The following WDR33 variants were observed in gnomAD, a reference collection of about 807,000 sequenced individuals.
The protein encoded by WDR33 is WD repeat domain 33, also known as pre-mRNA 3' end processing protein WDR33.
Under a neutral mutation model 164.9 loss-of-function variants are expected in WDR33, and 47 were observed. That is an observed-to-expected ratio of 0.29 (90% CI 0.23 to 0.36). The LOEUF is 0.36. Among genes scored for constraint, WDR33 ranks in the 10% least tolerant of loss-of-function variants. WDR33 has a pLI of 1.00. For missense variants in WDR33, 1,137 were observed against 1,754.1 expected (o/e 0.65, Z 6.28); for synonymous variants, 505 against 589.0 (o/e 0.86, Z 2.06).
Position 127,701,695 on chromosome 2 carries a change from G to T in WDR33, c.*4628C>A. The T allele has an allele frequency of 7.6e-7, 1 of 1,318,738 alleles. No homozygotes were observed. Among genetic ancestry groups the T allele is most frequent in the South Asian group, 2.0e-5 (1 of 49,438 alleles). 81.7% of individuals were successfully genotyped at this position (1,318,738 alleles called of 1,614,324 possible). A position where few individuals can be genotyped will look rare whatever the true frequency, so the allele number is the denominator to read the frequency against. On this transcript the variant is annotated 3_prime_UTR_variant, in exon 22 of 22. Coordinates refer to ENST00000322313, the MANE Select transcript of WDR33 (RefSeq NM_018383.5). ...GGCTTGCGCTGGACGTGGGCGCGGA[G>T]CCCTGCGGAGTCGGCAGCGGCCGGC... is the stretch of plus-strand genomic sequence containing the variant.
chr2:127,790,004 T>C (rs563276066), intron 1 of WDR33, among the ~76,000 whole-genome samples: 28 of 152,082 alleles, frequency 1.8e-4, no homozygotes, highest in African/African-American at 6.5e-4. Context: ...CCTGGCTAAT[T>C]TTTTTTATTT....
chr2:127,717,246 G>A lies in WDR33; in HGVS notation c.2778C>T (p.Gly926=), dbSNP rs764157203. 5 of 1,599,030 alleles carry A rather than the reference G, an allele frequency of 3.1e-6. No individual in the cohort carries two copies. In the Admixed American group the frequency reaches 8.8e-5, roughly 28 times the overall value. The change falls in exon 17 of 22, where the codon GGC becomes GGT. Residue 926 remains glycine (G), a synonymous_variant. Transcript: ENST00000322313. This position sits in a 1 kb window ranked among gnomAD's most constrained non-coding sequence, Gnocchi z 5.6. ...CTAGGCCTGGTATCAGGGGTGGGGG[G>A]CCTGTGCTCTGTCCTTCCTGAAAAT... ...APFNQEGQST[G]PPPLIPGLGQ...
At chr2:127,769,214 G>A (rs1209683601) in intron 2 of WDR33, among the ~76,000 whole-genome samples, 1 of 151,806 alleles carries the variant, frequency 6.6e-6, no homozygotes, top group African/African-American at 2.4e-5. Context: ...TTCCCTCCTC[G>A]AGGTGCCTCA....
intron 7 of WDR33, among the ~76,000 whole-genome samples, chr2:127,750,685 T>A (rs1291936381): frequency 2.7e-3 from 109 of 40,950 alleles, no homozygotes; most frequent in African/African-American, 0.01. Flanking sequence ...AAAATATATA[T>A]ATATATATAT....
intron 1 of WDR33, among the ~76,000 whole-genome samples, chr2:127,788,462 C>T (rs1573463490): frequency 1.6e-5 from 2 of 128,476 alleles, no homozygotes; most frequent in African/African-American, 3.2e-5. Context: ...GGCGGCTGGC[C>T]GGGCGGGGGG....
In WDR33 at chr2:127,701,842, C is replaced by G. The variant is rs1451349395; in HGVS notation, c.*4481G>C. On this transcript the variant is annotated 3_prime_UTR_variant, in exon 22 of 22. Transcript: ENST00000322313. ...TACGCACCGGTGTTGCTGCTGCGCG[C>G]GCGCAAGTTCGCGCTGCTCTGGTCA... The G allele has an allele frequency of 1.4e-5, 20 of 1,458,578 alleles. No homozygotes were observed. Among genetic ancestry groups the G allele is most frequent in the Non-Finnish European group, 1.8e-5 (20 of 1,109,854 alleles). 90.4% of individuals were successfully genotyped at this position (1,458,578 alleles called of 1,614,324 possible).
In WDR33 at chr2:127,719,767, G is replaced by A. The variant is rs200450776; in HGVS notation, c.2258C>T (p.Pro753Leu). The A allele has an allele frequency of 8.9e-5, 143 of 1,613,908 alleles. No homozygotes were observed. The East Asian group carries it at 3.0e-3, about 34-fold the overall frequency. Residue 753 changes from proline (P) to leucine (L), a missense_variant, in exon 16 of 22, where the codon CCT (proline) becomes CTT (leucine). Coordinates refer to ENST00000322313, the MANE Select transcript of WDR33 (RefSeq NM_018383.5). The surrounding 1 kb of genome is among the most constrained non-coding windows in gnomAD (Gnocchi z 6.5). ...TCCGCCTTGGATCCCATGAGGATGA[G>A]GAGGCCCTTGCATTCCTCTGGGACC... is the stretch of plus-strand genomic sequence containing the variant. ...PPGPRGMQGP[P>L]HPHGIQGGPG...
intron 7 of WDR33, chr2:127,762,471 A>C: frequency 5.2e-6 from 5 of 968,184 alleles, no homozygotes; most frequent in Non-Finnish European, 6.1e-6. Flanking sequence ...AAATAATCGA[A>C]GTGAGAATAT....
intron 1 of WDR33, among the ~76,000 whole-genome samples, chr2:127,808,929 C>T (rs1689533111): frequency 6.6e-6 from 1 of 151,222 alleles, no homozygotes; most frequent in Non-Finnish European, 1.5e-5. Context: ...ACTCGGGAGG[C>T]TCAGGCAGGA....
chr2:127,733,953 T>A (rs1031175237), intron 7 of WDR33, among the ~76,000 whole-genome samples: 43 of 152,200 alleles, frequency 2.8e-4, no homozygotes, highest in African/African-American at 9.6e-4. Context: ...GGGCCCGGAT[T>A]TTCTTCCTCC....
At position 127,710,977 on chromosome 2, in the gene WDR33, G is replaced by GA. The variant is rs1364566696; in HGVS notation, c.3309-1122dup. ...CACAAACATGTTTTCTAAACCATTT[G>GA]AAAATCAGTTGCCAACACGAGCTTT... On this transcript the variant is annotated intron_variant, in intron 18 of 21. Transcript: ENST00000322313. The surrounding 1 kb of genome is among the most constrained non-coding windows in gnomAD (Gnocchi z 4.4). 1.3e-5 allele frequency among the ~76,000 whole-genome samples: 2 copies of GA among 152,184 alleles called. No homozygotes were observed. The highest frequency in any genetic ancestry group is 2.9e-5 in the Non-Finnish European group (2 of 68,036).
intron 7 of WDR33, among the ~76,000 whole-genome samples, chr2:127,760,763 A>C (rs1158440979): frequency 1.3e-5 from 2 of 152,212 alleles, no homozygotes; most frequent in Non-Finnish European, 2.9e-5. Context: ...TTGTTACTGT[A>C]AAGTAAGTAG....
chr2:127,764,444 T>C lies in WDR33; in HGVS notation c.626+384A>G. ...GTGTGAATTCTGAAGTTGTTTTCTG[T>C]AGGCTTTAGATTTTATTCAGTTGCA... On this transcript the variant is annotated intron_variant, in intron 6 of 21. Coordinates refer to ENST00000322313, the MANE Select transcript of WDR33 (RefSeq NM_018383.5). This position sits in a 1 kb window ranked among gnomAD's most constrained non-coding sequence, Gnocchi z 6.2. 1 of 1,452,110 alleles carries C rather than the reference T, an allele frequency of 6.9e-7. No homozygotes were observed. The highest frequency in any genetic ancestry group is 9.1e-7 in the Non-Finnish European group (1 of 1,104,698). 90.0% of individuals were successfully genotyped at this position (1,452,110 alleles called of 1,614,324 possible). A position where few individuals can be genotyped will look rare whatever the true frequency, so the allele number is the denominator to read the frequency against.
At chr2:127,781,289 T>C (rs145980598) in intron 1 of WDR33, among the ~76,000 whole-genome samples, 1 of 152,202 alleles carries the variant, frequency 6.6e-6, no homozygotes, top group East Asian at 1.9e-4. Flanking sequence ...GCCAAAACAA[T>C]AGAAATGACT....
chr2:127,716,104 G>C lies in WDR33; in HGVS notation c.2869+1051C>G, dbSNP rs533769823. 6.6e-6 allele frequency among the ~76,000 whole-genome samples: 1 copy of C among 152,250 alleles called. No individual in the cohort carries two copies. Among genetic ancestry groups the C allele is most frequent in the East Asian group, 1.9e-4 (1 of 5,184 alleles). On this transcript the variant is annotated intron_variant, in intron 17 of 21. Coordinates refer to ENST00000322313, the MANE Select transcript of WDR33 (RefSeq NM_018383.5). This position sits in a 1 kb window ranked among gnomAD's most constrained non-coding sequence, Gnocchi z 4.5. The stretch of plus-strand genomic sequence containing the variant: ...GTTTCTCTAGTTCGCTGTGGGCCAC[G>C]TTCCTTCTGTATAGCCTCTGCTACC...
At position 127,724,462 on chromosome 2, in the gene WDR33, GAGA is replaced by G. The variant is rs373419856; in HGVS notation, c.1086-22_1086-20del. ...CTCTACCCTGCAACAGCACCAAAGA[GAGA>G]AGATTTGTTCACAAAAGTTACCCAG... On this transcript the variant is annotated intron_variant, in intron 10 of 21. Transcript: ENST00000322313. This position sits in a 1 kb window ranked among gnomAD's most constrained non-coding sequence, Gnocchi z 4.8. 1.2e-6 allele frequency: 2 copies of G among 1,606,380 alleles called. No individual in the cohort carries two copies. The highest frequency in any genetic ancestry group is 1.3e-5 in the African/African-American group (1 of 74,798).
At chr2:127,807,753 G>A (rs895715745) in intron 1 of WDR33, among the ~76,000 whole-genome samples, 1 of 152,202 alleles carries the variant, frequency 6.6e-6, no homozygotes. Context: ...TCTTCAATTT[G>A]TATAATGCCT....
chr2:127,748,026 C>A (rs1687215357), intron 7 of WDR33, among the ~76,000 whole-genome samples: 2 of 152,204 alleles, frequency 1.3e-5, no homozygotes, highest in Admixed American at 1.3e-4. Flanking sequence ...CCACAAAATA[C>A]AAAATTCTCT....
intron 7 of WDR33, among the ~76,000 whole-genome samples, chr2:127,752,214 GA>G (rs1241131436): frequency 6.6e-5 from 10 of 152,254 alleles, no homozygotes; most frequent in African/African-American, 2.4e-4. Context: ...TGGAGTTAGG[GA>G]TTAATTCTTG....
Sources: gnomAD v4.1 joint callset for allele counts (sites outside exome capture counted in the v4.1 genomes callset) on GRCh38, gnomAD v4.1.1 for gene constraint, Gnocchi (gnomAD v3.1) non-coding constraint, MANE v1.5 for transcripts, NCBI Gene and HGNC (gene_info 2026-07-23, HGNC 2026-07-21) for gene names.